The following GOLGA8T variants were observed in gnomAD, a reference collection of about 807,000 sequenced individuals.
The protein encoded by GOLGA8T is golgin A8 family member T, also known as golgin subfamily A member 8T.
In GOLGA8T, 17 loss-of-function variants were observed where a neutral mutation model predicts 52.0. That is an observed-to-expected ratio of 0.33 (90% CI 0.22 to 0.49). The LOEUF (loss-of-function observed/expected upper bound fraction) is 0.49. Among genes scored for constraint, GOLGA8T ranks in the 20% least tolerant of loss-of-function variants. The pLI is 0.99. For synonymous variants in GOLGA8T, 67 were observed against 169.5 expected, an observed-to-expected ratio of 0.40 and a Z score of 4.70; for missense variants, 154 against 462.1, an observed-to-expected ratio of 0.33 and a Z score of 6.11.
Position 30,145,327 on chromosome 15 carries a change from G to A in GOLGA8T, c.1720+20G>A. ...ATGGTGGTGAGTAGAGCCCTCAGGT[G>A]GGGTGGGCAGGCAGGAAGAGGGGGC... On this transcript the variant is annotated intron_variant, in intron 18 of 18. Coordinates refer to ENST00000569052, the MANE Select transcript of GOLGA8T (RefSeq NM_001355469.2). 1.6e-6 allele frequency: 2 copies of A among 1,274,138 alleles called. No individual in the cohort carries two copies. The highest frequency in any genetic ancestry group is 2.1e-6 in the Non-Finnish European group (2 of 952,898). 78.9% of individuals were successfully genotyped at this position (1,274,138 alleles called of 1,614,324 possible). A position where few individuals can be genotyped will look rare whatever the true frequency, so the allele number is the denominator to read the frequency against.
intron 2 of GOLGA8T, among the ~76,000 whole-genome samples, chr15:30,137,277 C>G (rs2057702386): frequency 6.9e-6 from 1 of 144,288 alleles, no homozygotes; most frequent in South Asian, 2.2e-4. Context: ...ACTCAGAAGG[C>G]TGAGGCAAGA....
At chr15:30,142,149 C>T in intron 12 of GOLGA8T, 91 bp downstream of exon 12, 2 of 538,048 alleles carry the variant, frequency 3.7e-6, no homozygotes, top group African/African-American at 3.9e-5. Context: ...GTAGCCCTCA[C>T]ATGAAATGTT....
chr15:30,142,455 G>T, intron 13 of GOLGA8T, 73 bp downstream of exon 13: 2 of 1,577,158 alleles, frequency 1.3e-6, no homozygotes, highest in Non-Finnish European at 8.5e-7. Flanking sequence ...GGGAGGGGAG[G>T]TACGAGGCCA....
intron 1 of GOLGA8T, among the ~76,000 whole-genome samples, 156 bp from the exon 2 acceptor site, chr15:30,136,710 C>T (rs2057694470): frequency 2.7e-5 from 4 of 148,632 alleles, no homozygotes; most frequent in South Asian, 4.3e-4. Context: ...GATATCAATC[C>T]TTCTCAGTCA....
rs114733726 is a variant in GOLGA8T at position 30,142,456 on chromosome 15, T to C, written c.1200+74T>C. The stretch of plus-strand genomic sequence containing the variant: ...GGCAGCAGACTCTGGGGAGGGGAGG[T>C]ACGAGGCCAGAGGCAGCTTCCAGCC... On this transcript the variant is annotated intron_variant, in intron 13 of 18. Transcript: ENST00000569052. The C allele has an allele frequency of 2.4e-3, 3,722 of 1,575,086 alleles. 543 individuals carry two copies. The African/African-American group carries it at 0.046, about 19-fold the overall frequency.
chr15:30,140,695 C>A (rs574003542), intron 8 of GOLGA8T, 147 bp from the exon 9 acceptor site: 3 of 779,364 alleles, frequency 3.8e-6, no homozygotes, highest in African/African-American at 2.0e-5. Flanking sequence ...TTACTGAGTT[C>A]TTTTAAAAAC....
rs1439009904 is a variant in GOLGA8T at position 30,144,839 on chromosome 15, C to T, written c.1429C>T (p.Leu477Phe). ...CCTGAGTGAGCTGGTGAAAAAAGAA[C>T]TCTGCTTCATCCACCACTGGCGAGA... ...ADLSELVKKELCFIHHWRDRR... is the reference protein window; with the variant it reads ...ADLSELVKKEFCFIHHWRDRR... The change falls in exon 16 of 19, where the codon CTC becomes TTC. Residue 477 changes from leucine (L) to phenylalanine (F), a missense_variant. Around this residue, in one of 6 missense-constraint regions of GOLGA8T, gnomAD observed 17 missense variants for 26.0 expected, o/e 0.65. Transcript: ENST00000569052. 5 of 1,567,172 alleles carry T rather than the reference C, an allele frequency of 3.2e-6. No individual in the cohort carries two copies. The East Asian group carries it at 6.8e-5, about 21-fold the overall frequency.
chr15:30,140,907 A>G lies in GOLGA8T; in HGVS notation c.657A>G (p.Leu219=), dbSNP rs756166606. ...KLEQSMREET[L]LKVQLTQLKE... is the part of the protein sequence containing the mutation. ...AGCAGTCCATGCGGGAGGAGACACT[A>G]CTGAAAGTGCAGCTGACACAGGTGA... The change falls in exon 9 of 19, where the codon CTA becomes CTG. Residue 219 remains leucine (L), a synonymous_variant. Coordinates refer to ENST00000569052, the MANE Select transcript of GOLGA8T (RefSeq NM_001355469.2). 16 of 1,555,218 alleles carry G rather than the reference A, an allele frequency of 1.0e-5. 1 individual carries two copies. In the African/African-American group the frequency reaches 1.4e-4, roughly 14 times the overall value.
chr15:30,140,719 T>G (rs1424733215), intron 8 of GOLGA8T, 123 bp from the exon 9 acceptor site: 4 of 790,758 alleles, frequency 5.1e-6, no homozygotes, highest in East Asian at 2.7e-5. Context: ...ACCACGGGCT[T>G]GGAAATGCCT....
rs921603038 is a variant in GOLGA8T at position 30,148,269 on chromosome 15, C to A, written c.*2702C>A. On this transcript the variant is annotated 3_prime_UTR_variant, in exon 19 of 19. Transcript: ENST00000569052. Reference sequence around the variant, plus strand: ...TTAATGTCTGTAGGAAGAATCAAAACACCTATTTAAAGATGGCAATATATA... The same window carrying A: ...TTAATGTCTGTAGGAAGAATCAAAAAACCTATTTAAAGATGGCAATATATA... 8.4e-6 allele frequency among the ~76,000 whole-genome samples: 1 copy of A among 119,278 alleles called. No homozygotes were observed. The highest frequency in any genetic ancestry group is 4.4e-5 in the African/African-American group (1 of 22,690). 78.3% of individuals were successfully genotyped at this position (119,278 alleles called of 152,430 possible).
intron 16 of GOLGA8T, 34 bp from the exon 17 acceptor site, chr15:30,144,925 G>C (rs1362994807): frequency 6.4e-7 from 1 of 1,569,000 alleles, no homozygotes; most frequent in Non-Finnish European, 8.6e-7. Context: ...GGCCGTCGGA[G>C]GGGCCCCAGC....
intron 2 of GOLGA8T, among the ~76,000 whole-genome samples, chr15:30,137,227 CATT>C (rs2057701715): frequency 6.8e-6 from 1 of 147,794 alleles, no homozygotes; most frequent in East Asian, 2.0e-4. Flanking sequence ...AATACAAAAA[CATT>C]AGCCAAGCGT....
chr15:30,145,500 C>G lies in GOLGA8T; in HGVS notation c.1829C>G (p.Pro610Arg), dbSNP rs1595423832. The change falls in exon 19 of 19, where the codon CCA becomes CGA. Residue 610 changes from proline to arginine, a missense_variant. This residue lies in a region of GOLGA8T where 22 missense variants were observed against 181.2 expected (regional missense o/e 0.12). Transcript: ENST00000569052. ...QPIVQDHQEH[P>R]GLGSNCCVPF... ...ATCGTGCAGGACCACCAGGAGCACC[C>G]AGGCTTGGGCAGCAACTGCTGTGTG... 13 of 1,556,308 alleles carry G rather than the reference C, an allele frequency of 8.4e-6. No individual in the cohort carries two copies. Among genetic ancestry groups the G allele is most frequent in the Non-Finnish European group, 1.1e-5 (13 of 1,165,284 alleles).
rs1453306250 is a variant in GOLGA8T at position 30,148,715 on chromosome 15, A to G, written c.*3148A>G. On this transcript the variant is annotated 3_prime_UTR_variant, in exon 19 of 19. Coordinates refer to ENST00000569052, the MANE Select transcript of GOLGA8T (RefSeq NM_001355469.2). ...AGTGGCCTTATTGACTGCTGGTGTGATGCCACTGTAATGTAATAAATTATT... is the reference window on the plus strand; with the variant it reads ...AGTGGCCTTATTGACTGCTGGTGTGGTGCCACTGTAATGTAATAAATTATT... 6.8e-6 allele frequency among the ~76,000 whole-genome samples: 1 copy of G among 147,400 alleles called. No homozygotes were observed. The highest frequency in any genetic ancestry group is 2.6e-5 in the African/African-American group (1 of 38,524).
chr15:30,136,492 ACTT>A (rs990464797), intron 1 of GOLGA8T, among the ~76,000 whole-genome samples: 2 of 148,462 alleles, frequency 1.3e-5, no homozygotes, highest in Admixed American at 6.7e-5. Flanking sequence ...GTACTGGTGC[ACTT>A]CTTCACACTA....
At chr15:30,137,271 A>G (rs976562114) in intron 2 of GOLGA8T, among the ~76,000 whole-genome samples, 2 of 145,098 alleles carry the variant, frequency 1.4e-5, no homozygotes, top group African/African-American at 5.3e-5. Flanking sequence ...CCAGCTACTC[A>G]GAAGGCTGAG....
At position 30,140,863 on chromosome 15, in the gene GOLGA8T, C is replaced by T. The variant is rs1359274251; in HGVS notation, c.613C>T (p.Arg205Cys). The change falls in exon 9 of 19, where the codon CGT becomes TGT. Residue 205 changes from arginine to cysteine, a missense_variant. Physicochemically the swap from Arg to Cys is radical, Grantham distance 180. Coordinates refer to ENST00000569052, the MANE Select transcript of GOLGA8T (RefSeq NM_001355469.2). The stretch of plus-strand genomic sequence containing the variant: ...CCAGTTGTCCAGCCGCAGCAAAGCA[C>T]GTACGGAGTGGAAGTTAGAGCAGTC... ...ANQLSSRSKA[R>C]TEWKLEQSMR... The T allele has an allele frequency of 1.2e-5, 19 of 1,563,740 alleles. 5 individuals carry two copies. The Middle Eastern group carries it at 1.1e-3, about 91-fold the overall frequency.
rs1314971469 is a variant in GOLGA8T at position 30,145,127 on chromosome 15, G to T, written c.1565-25G>T. The T allele has an allele frequency of 3.0e-6, 4 of 1,348,048 alleles. 1 individual carries two copies. In the East Asian group the frequency reaches 1.0e-4, roughly 34 times the overall value. 83.5% of individuals were successfully genotyped at this position (1,348,048 alleles called of 1,614,324 possible). On this transcript the variant is annotated intron_variant, in intron 17 of 18. Transcript: ENST00000569052. ...TGAGGGTGGGCGCAAGCAGCGGCATGGCAGCTGAGCACCCCTCCCTCCAGG... is the reference window on the plus strand; with the variant it reads ...TGAGGGTGGGCGCAAGCAGCGGCATTGCAGCTGAGCACCCCTCCCTCCAGG...
At position 30,142,459 on chromosome 15, in the gene GOLGA8T, G is replaced by A. The variant is rs1197601750; in HGVS notation, c.1200+77G>A. 1.1e-5 allele frequency: 17 copies of A among 1,572,530 alleles called. 1 individual carries two copies. The African/African-American group carries it at 1.4e-4, about 13-fold the overall frequency. ...AGCAGACTCTGGGGAGGGGAGGTAC[G>A]AGGCCAGAGGCAGCTTCCAGCCTGG... On this transcript the variant is annotated intron_variant, in intron 13 of 18. Coordinates refer to ENST00000569052, the MANE Select transcript of GOLGA8T (RefSeq NM_001355469.2).
Sources: gnomAD v4.1 joint callset for allele counts (sites outside exome capture counted in the v4.1 genomes callset) on GRCh38, gnomAD v4.1.1 for gene constraint, gnomAD v4.1.1 regional missense constraint, MANE v1.5 for transcripts, NCBI Gene and HGNC (gene_info 2026-07-23, HGNC 2026-07-21) for gene names.